The following CABCOCO1 variants were observed in gnomAD, a reference collection of about 807,000 sequenced individuals.
CABCOCO1 encodes the protein ciliary-associated calcium-binding coiled-coil protein 1.
In CABCOCO1, 28 loss-of-function variants were observed where a neutral mutation model predicts 35.7. The ratio of observed to expected loss-of-function variants is 0.78; its 90% CI spans 0.58 to 1.07. The LOEUF is 1.07. CABCOCO1 is among the 50% of genes least tolerant of loss of function. The pLI, the probability that CABCOCO1 is intolerant of heterozygous loss-of-function variation, is 0.00. For synonymous variants in CABCOCO1, 95 were observed against 100.1 expected, an observed-to-expected ratio of 0.95 and a Z score of 0.30; for missense variants, 326 against 309.2, an observed-to-expected ratio of 1.05 and a Z score of -0.41.
chr10:61,710,150 A>G (rs60129878), intron 5 of CABCOCO1, among the ~76,000 whole-genome samples: 15,650 of 151,984 alleles, frequency 0.1, 956 homozygotes, highest in Middle Eastern at 0.17. Context: ...TTTTGTGTGT[A>G]TATCACTGAT....
intron 5 of CABCOCO1, among the ~76,000 whole-genome samples, chr10:61,744,731 C>A (rs1295975591): frequency 6.6e-6 from 1 of 152,154 alleles, no homozygotes; most frequent in African/African-American, 2.4e-5. Flanking sequence ...AGAACATCAG[C>A]CCTGGTACTT....
intron 5 of CABCOCO1, among the ~76,000 whole-genome samples, chr10:61,702,622 G>T (rs1203733120): frequency 6.6e-6 from 1 of 151,948 alleles, no homozygotes; most frequent in Non-Finnish European, 1.5e-5. Context: ...TTTTAAAAAA[G>T]AAGATTTTGA....
intron 5 of CABCOCO1, among the ~76,000 whole-genome samples, chr10:61,739,887 A>C (rs1161514116): frequency 2.0e-5 from 3 of 152,234 alleles, no homozygotes; most frequent in Non-Finnish European, 2.9e-5. Context: ...GGCTGCAGTG[A>C]GCAGAGATCG....
At chr10:61,677,672 C>T (rs1839559163) in intron 2 of CABCOCO1, among the ~76,000 whole-genome samples, 1 of 151,998 alleles carries the variant, frequency 6.6e-6, no homozygotes, top group Non-Finnish European at 1.5e-5. Flanking sequence ...GTTAGGTCTA[C>T]CTCCTAATGC....
At chr10:61,692,555 C>T (rs1840178430) in intron 5 of CABCOCO1, among the ~76,000 whole-genome samples, 1 of 152,056 alleles carries the variant, frequency 6.6e-6, no homozygotes, top group South Asian at 2.1e-4. Context: ...TTGTAATTTT[C>T]CTGATATTAA....
At chr10:61,763,346 T>G (rs1842046314) in intron 7 of CABCOCO1, among the ~76,000 whole-genome samples, 2 of 152,094 alleles carry the variant, frequency 1.3e-5, no homozygotes, top group African/African-American at 4.8e-5. Context: ...ATTTTCCCAT[T>G]GACTCACTTT....
At chr10:61,697,512 A>C (rs1254907275) in intron 5 of CABCOCO1, among the ~76,000 whole-genome samples, 4 of 152,102 alleles carry the variant, frequency 2.6e-5, no homozygotes, top group Admixed American at 1.3e-4. Context: ...ATGTATATGC[A>C]TGTAAGTGAT....
chr10:61,696,948 C>G (rs186615006), intron 5 of CABCOCO1, among the ~76,000 whole-genome samples: 58 of 152,126 alleles, frequency 3.8e-4, no homozygotes, highest in African/African-American at 1.3e-3. Context: ...TAATAGTTAT[C>G]AAGGACCTGC....
chr10:61,732,684 A>C (rs1337470005), intron 5 of CABCOCO1, among the ~76,000 whole-genome samples: 1 of 152,078 alleles, frequency 6.6e-6, no homozygotes, highest in African/African-American at 2.4e-5. Flanking sequence ...AATTTAATAA[A>C]ACTGTCTATT....
Position 61,669,020 on chromosome 10 carries a change from G to GAAAAAAAAAAAA in CABCOCO1, c.61-3610_61-3599dup, listed in dbSNP as rs200867627. Among the ~76,000 whole-genome samples the GAAAAAAAAAAAA allele has an allele frequency of 8.8e-5, 9 of 102,496 alleles. 1 individual carries two copies. Among genetic ancestry groups the GAAAAAAAAAAAA allele is most frequent in the Admixed American group, 1.3e-4 (1 of 7,640 alleles). 67.2% of individuals were successfully genotyped at this position (102,496 alleles called of 152,430 possible). On this transcript the variant is annotated intron_variant, in intron 1 of 7. Transcript: ENST00000648843. The stretch of plus-strand genomic sequence containing the variant: ...TGGTTCATTTATTTTAAGGGTTGGG[G>GAAAAAAAAAAAA]AAAAAAAAAAAAACACCTTCCAAGT...
At chr10:61,732,244 A>C (rs1364151049) in intron 5 of CABCOCO1, among the ~76,000 whole-genome samples, 1 of 152,112 alleles carries the variant, frequency 6.6e-6, no homozygotes, top group Admixed American at 6.6e-5. Flanking sequence ...GGAGTGATGA[A>C]CTAGCATTTT....
Position 61,672,616 on chromosome 10 carries a change from C to A in CABCOCO1, c.61-16C>A. The A allele has an allele frequency of 1.4e-6, 1 of 702,036 alleles. No individual in the cohort carries two copies. The highest frequency in any genetic ancestry group is 1.7e-6 in the Non-Finnish European group (1 of 571,442). 43.5% of individuals were successfully genotyped at this position (702,036 alleles called of 1,614,324 possible). On this transcript the variant is annotated splice_polypyrimidine_tract_variant and intron_variant, in intron 1 of 7. Coordinates refer to ENST00000648843, the MANE Select transcript of CABCOCO1 (RefSeq NM_001366906.2). ...CGTACAATTAAAGTAACTCACTCCA[C>A]ATTGTGTTTTGGTAGAGAGACACTG...
At chr10:61,707,698 T>C (rs529023374) in intron 5 of CABCOCO1, among the ~76,000 whole-genome samples, 2 of 152,286 alleles carry the variant, frequency 1.3e-5, no homozygotes, top group Admixed American at 6.5e-5. Flanking sequence ...AATCACTAAA[T>C]GAATCTTCAG....
At chr10:61,701,899 G>A (rs1840468294) in intron 5 of CABCOCO1, 1 of 777,460 alleles carries the variant, frequency 1.3e-6, no homozygotes, top group Non-Finnish European at 1.6e-6. Flanking sequence ...TGTCTTGTCT[G>A]CATAACTCCC....
At chr10:61,678,682 C>T (rs931705093) in intron 2 of CABCOCO1, among the ~76,000 whole-genome samples, 7 of 151,992 alleles carry the variant, frequency 4.6e-5, no homozygotes, top group African/African-American at 1.4e-4. Context: ...AGATAACTGG[C>T]GGTAGCAACT....
chr10:61,674,408 A>G (rs889192687), intron 2 of CABCOCO1, among the ~76,000 whole-genome samples: 1 of 152,184 alleles, frequency 6.6e-6, no homozygotes, highest in Non-Finnish European at 1.5e-5. Context: ...ATTTTAAGAC[A>G]TCATCTTTGG....
chr10:61,716,048 T>C (rs1311866340), intron 5 of CABCOCO1, among the ~76,000 whole-genome samples: 1 of 152,120 alleles, frequency 6.6e-6, no homozygotes, highest in Non-Finnish European at 1.5e-5. Context: ...AATTAAATTA[T>C]AATATTTTAA....
chr10:61,698,140 A>G (rs552667317), intron 5 of CABCOCO1, among the ~76,000 whole-genome samples: 2 of 152,300 alleles, frequency 1.3e-5, no homozygotes, highest in African/African-American at 4.8e-5. Context: ...CAATACACAC[A>G]CACATATATA....
Position 61,678,494 on chromosome 10 carries a change from A to G in CABCOCO1, c.165-2649A>G, listed in dbSNP as rs1203672894. Among the ~76,000 whole-genome samples the G allele has an allele frequency of 2.6e-5, 4 of 152,274 alleles. No homozygotes were observed. In the East Asian group the frequency reaches 7.7e-4, roughly 29 times the overall value. On this transcript the variant is annotated intron_variant, in intron 2 of 7. Transcript: ENST00000648843. ...GTCAAAATGTATAGTGACATGCAAC[A>G]TAAAAAACTGACCATATTGACCTAA...
Sources: allele counts gnomAD v4.1 joint callset (sites outside exome capture counted in the v4.1 genomes callset), GRCh38; gene constraint gnomAD v4.1.1; transcripts MANE v1.5; gene names NCBI Gene and HGNC (gene_info 2026-07-23, HGNC 2026-07-21).